The following GRAMD1A variants were observed in gnomAD, a reference collection of about 807,000 sequenced individuals.
GRAMD1A encodes the protein protein Aster-A.
In GRAMD1A, 50 loss-of-function variants were observed where a neutral mutation model predicts 92.0. The observed-to-expected ratio is 0.54, with a 90% confidence interval of 0.43 to 0.69. The LOEUF (loss-of-function observed/expected upper bound fraction) is 0.69, where lower values mean the gene tolerates loss of function less well. GRAMD1A is among the 30% of genes least tolerant of loss of function. GRAMD1A has a pLI of 0.00. For synonymous variants in GRAMD1A, 405 were observed against 403.6 expected, an observed-to-expected ratio of 1.00 and a Z score of -0.04; for missense variants, 819 against 978.9, an observed-to-expected ratio of 0.84 and a Z score of 2.18.
chr19:35,009,220 C>T lies in GRAMD1A; in HGVS notation c.110C>T (p.Pro37Leu). 6.2e-7 allele frequency: 1 copy of T among 1,613,680 alleles called. No individual in the cohort carries two copies. Among genetic ancestry groups the T allele is most frequent in the African/African-American group, 1.3e-5 (1 of 75,032 alleles). The change falls in exon 2 of 20, where the codon CCA (proline) becomes CTA (leucine). Residue 37 changes from proline (P) to leucine (L), a missense_variant. Pro to Leu is a moderately conservative substitution (Grantham distance 98). Transcript: ENST00000317991. ...PPSRPPPEPE[P>L]GTMVEKGSDS... ...AGCCGGCCCCCACCTGAGCCAGAACCAGGCACCATGGTGGAGAAGGGATCA... is the reference window on the plus strand; with the variant it reads ...AGCCGGCCCCCACCTGAGCCAGAACTAGGCACCATGGTGGAGAAGGGATCA...
chr19:35,012,696 G>A (rs985740334), intron 7 of GRAMD1A, among the ~76,000 whole-genome samples: 1 of 152,252 alleles, frequency 6.6e-6, no homozygotes, highest in African/African-American at 2.4e-5. Flanking sequence ...GGCTGGGCAC[G>A]GTGGCTCATG....
At position 35,022,918 on chromosome 19, in the gene GRAMD1A, TC is replaced by T; in HGVS notation, c.1853+10del. ...GCTGCAGGATCTGTGTGAGGTAGGG[TC>T]CCGAGTCCTCCCCCTGCCCTCCCCT... On this transcript the variant is annotated splice_region_variant and intron_variant, in intron 17 of 19. Coordinates refer to ENST00000317991, the MANE Select transcript of GRAMD1A (RefSeq NM_020895.5). The T allele has an allele frequency of 6.3e-7, 1 of 1,592,058 alleles. No individual in the cohort carries two copies. The highest frequency in any genetic ancestry group is 8.6e-7 in the Non-Finnish European group (1 of 1,167,518).
intron 9 of GRAMD1A, 90 bp from the exon 10 acceptor site, chr19:35,014,099 A>G: frequency 8.0e-7 from 1 of 1,248,802 alleles, no homozygotes; most frequent in Non-Finnish European, 1.2e-6. Flanking sequence ...GGGTCTGCAC[A>G]GGCTCTGGAA....
At chr19:35,002,068 C>T (rs1183577996) in intron 1 of GRAMD1A, among the ~76,000 whole-genome samples, 2 of 152,008 alleles carry the variant, frequency 1.3e-5, no homozygotes, top group Non-Finnish European at 2.9e-5. Flanking sequence ...GTGCCTAGGC[C>T]TCTCTGTGTA....
intron 10 of GRAMD1A, chr19:35,015,115 G>A (rs2151722179): frequency 6.5e-6 from 1 of 153,238 alleles, no homozygotes; most frequent in East Asian, 1.9e-4. Context: ...AGGCTGCAGT[G>A]AGCTATGATT....
intron 11 of GRAMD1A, among the ~76,000 whole-genome samples, chr19:35,017,823 T>A (rs971582225): frequency 1.1e-4 from 16 of 152,258 alleles, no homozygotes; most frequent in Admixed American, 3.3e-4. Flanking sequence ...ACTCACACCA[T>A]GCCAGTAGTG....
exon 20 of GRAMD1A, chr19:35,026,466 A>AGTGGCT (rs2016448504): frequency 6.3e-6 from 2 of 317,160 alleles, no homozygotes; most frequent in South Asian, 6.6e-5. Context: ...AAGGGTCAGA[A>AGTGGCT]GTGGCTGTGG....
In GRAMD1A at chr19:35,015,805, G is replaced by C. The variant is rs925031356; in HGVS notation, c.1070-19G>C. 1 of 1,610,400 alleles carries C rather than the reference G, an allele frequency of 6.2e-7. No homozygotes were observed. Among genetic ancestry groups the C allele is most frequent in the Non-Finnish European group, 8.5e-7 (1 of 1,178,142 alleles). Reference sequence around the variant, plus strand: ...AGGAGTGGAGGCAGTCATCATCCTCGGCTCTCCTCTGTCTCCAGCGGACTT... The same window carrying C: ...AGGAGTGGAGGCAGTCATCATCCTCCGCTCTCCTCTGTCTCCAGCGGACTT... On this transcript the variant is annotated intron_variant, in intron 10 of 19. Transcript: ENST00000317991.
upstream of GRAMD1A, chr19:34,995,968 CCTCAT>C (rs1255733426): frequency 1.4e-6 from 2 of 1,435,178 alleles, no homozygotes; most frequent in African/African-American, 2.8e-5. Flanking sequence ...GAGCTCTATC[CCTCAT>C]CTCTTTTTTC....
rs1450172577 is a variant in GRAMD1A at position 35,021,726 on chromosome 19, G to A, written c.1615G>A (p.Glu539Lys). Residue 539 changes from glutamate (E) to lysine (K), a missense_variant, in exon 15 of 20, where the codon GAG (glutamate) becomes AAG (lysine). Physicochemically the swap from Glu to Lys is moderately conservative, Grantham distance 56. Coordinates refer to ENST00000317991, the MANE Select transcript of GRAMD1A (RefSeq NM_020895.5). This position sits in a 1 kb window ranked among gnomAD's most constrained non-coding sequence, Gnocchi z 5.3. ...ELAKAEKLSLEEGGKDARGLL... is the reference protein window; with the variant it reads ...ELAKAEKLSLKEGGKDARGLL... ...CGCCAAGGCTGAGAAGCTGTCTCTGGAGGAAGGCGGGAAGGATGCCCGGGG... is the reference window on the plus strand; with the variant it reads ...CGCCAAGGCTGAGAAGCTGTCTCTGAAGGAAGGCGGGAAGGATGCCCGGGG... 1.2e-6 allele frequency: 2 copies of A among 1,614,016 alleles called. No homozygotes were observed. Among genetic ancestry groups the A allele is most frequent in the Non-Finnish European group, 1.7e-6 (2 of 1,180,016 alleles).
intron 19 of GRAMD1A, 42 bp downstream of exon 19, chr19:35,023,589 G>A (rs1229953803): frequency 2.0e-6 from 3 of 1,528,212 alleles, no homozygotes; most frequent in Non-Finnish European, 2.6e-6. Flanking sequence ...CTGCGGGGCT[G>A]CAGGGTCCTG....
Position 35,011,555 on chromosome 19 carries a change from G to T in GRAMD1A, c.606+1G>T. The stretch of plus-strand genomic sequence containing the variant: ...CTGGCAGAATGCACTGCTTGAAAAG[G>T]TGGGCCTGGGTGAGGCCCGGGTGGG... On this transcript the variant is annotated splice_donor_variant, in intron 7 of 19. Transcript: ENST00000317991. LOFTEE classifies it high-confidence loss of function. 6.2e-7 allele frequency: 1 copy of T among 1,606,930 alleles called. No homozygotes were observed. Among genetic ancestry groups the T allele is most frequent in the Non-Finnish European group, 8.5e-7 (1 of 1,176,616 alleles).
At chr19:35,019,346 T>C (rs781172791) in intron 12 of GRAMD1A, 37 bp downstream of exon 12, 1 of 1,612,972 alleles carries the variant, frequency 6.2e-7, no homozygotes, top group East Asian at 2.2e-5. Flanking sequence ...GTGGGGCAGC[T>C]GGGTGAGTGG....
rs534567147 is a variant in GRAMD1A, at chr19:35,017,052, G to A, written c.1213+1085G>A. Among the ~76,000 whole-genome samples, 25 of 151,596 alleles carry A rather than the reference G, an allele frequency of 1.6e-4. No individual in the cohort carries two copies. The South Asian group carries it at 3.3e-3, about 20-fold the overall frequency. On this transcript the variant is annotated intron_variant, in intron 11 of 19. Transcript: ENST00000317991. ...TAGCTGAGCATGATGCTGCCCACCC[G>A]TAATCCCAGCTACTCTGGAGGCTCA...
At chr19:35,011,322 A>G in intron 6 of GRAMD1A, 152 bp from the exon 7 acceptor site, 1 of 744,366 alleles carries the variant, frequency 1.3e-6, no homozygotes, top group South Asian at 1.4e-5. Context: ...CGGGCGCAGG[A>G]CAGACGTTTT....
intron 10 of GRAMD1A, 158 bp from the exon 11 acceptor site, chr19:35,015,666 C>G: frequency 1.6e-6 from 1 of 643,472 alleles, no homozygotes; most frequent in African/African-American, 1.9e-5. Flanking sequence ...CTCAACCCAT[C>G]CCTGAGTCAC....
intron 1 of GRAMD1A, chr19:35,001,322 C>T (rs1230096864): frequency 2.0e-5 from 3 of 152,492 alleles, no homozygotes; most frequent in Non-Finnish European, 4.4e-5. Flanking sequence ...TGTCTCATTC[C>T]ATCTGTAGCT....
intron 1 of GRAMD1A, 105 bp from the exon 2 acceptor site, chr19:35,009,014 G>C: frequency 1.3e-6 from 1 of 742,026 alleles, no homozygotes; most frequent in African/African-American, 1.7e-5. Context: ...TGGGTGGATG[G>C]GTGTGTATTC....
At chr19:35,022,559 C>G (rs1033840396) in intron 16 of GRAMD1A, among the ~76,000 whole-genome samples, 9 of 114,974 alleles carry the variant, frequency 7.8e-5, no homozygotes, top group Admixed American at 5.9e-4. Context: ...TCCTCCCAGG[C>G]CAGAGGGGGC....
Sources: allele counts gnomAD v4.1 joint callset (sites outside exome capture counted in the v4.1 genomes callset), GRCh38; gene constraint gnomAD v4.1.1; non-coding constraint Gnocchi (gnomAD v3.1); transcripts MANE v1.5; gene names NCBI Gene and HGNC (gene_info 2026-07-23, HGNC 2026-07-21).